Variants in OPN3 observed in about 807,000 individuals in gnomAD.
OPN3 encodes the protein opsin-3.
OPN3 carries 29 observed loss-of-function variants against 33.8 expected under a neutral mutation model. That is an observed-to-expected ratio of 0.86 (90% CI 0.64 to 1.17). The LOEUF (loss-of-function observed/expected upper bound fraction) is 1.17, where lower values mean the gene tolerates loss of function less well. Ranked by LOEUF, OPN3 falls within the 50% of genes most tolerant of loss-of-function variation. OPN3 has a pLI of 0.00. For synonymous variants in OPN3, 216 were observed against 216.1 expected, an observed-to-expected ratio of 1.00 and a Z score of 0.00; for missense variants, 437 against 514.1, an observed-to-expected ratio of 0.85 and a Z score of 1.45.
intron 1 of OPN3, among the ~76,000 whole-genome samples, chr1:241,616,160 T>G (rs1664120461): frequency 6.6e-6 from 1 of 152,172 alleles, no homozygotes; most frequent in Non-Finnish European, 1.5e-5. Flanking sequence ...GGCCTCCTCC[T>G]TTCCCTGCCT....
intron 1 of OPN3, among the ~76,000 whole-genome samples, chr1:241,625,310 C>T (rs975354830): frequency 6.6e-6 from 1 of 152,138 alleles, no homozygotes; most frequent in African/African-American, 2.4e-5. Flanking sequence ...ATAGGCTTCT[C>T]CGAAGCCATA....
At chr1:241,635,719 T>A in intron 1 of OPN3, 1 of 1,613,980 alleles carries the variant, frequency 6.2e-7, no homozygotes, top group Non-Finnish European at 8.5e-7. Context: ...CGGGCAAACC[T>A]GTCCCTATTA....
intron 1 of OPN3, among the ~76,000 whole-genome samples, chr1:241,637,718 C>T (rs1294940128): frequency 6.6e-6 from 1 of 152,072 alleles, no homozygotes; most frequent in African/African-American, 2.4e-5. Flanking sequence ...AGCTGAATTA[C>T]CCAATAATAG....
chr1:241,593,774 G>A lies in OPN3; in HGVS notation c.*654C>T, dbSNP rs1312360031. 6.4e-6 allele frequency: 1 copy of A among 155,154 alleles called. No individual in the cohort carries two copies. Among genetic ancestry groups the A allele is most frequent in the African/African-American group, 2.4e-5 (1 of 41,576 alleles). 9.6% of individuals were successfully genotyped at this position (155,154 alleles called of 1,614,324 possible). A position where few individuals can be genotyped will look rare whatever the true frequency, so the allele number is the denominator to read the frequency against. On this transcript the variant is annotated 3_prime_UTR_variant, in exon 4 of 4. Coordinates refer to ENST00000366554, the MANE Select transcript of OPN3 (RefSeq NM_014322.3). ...AGAAACAACAAAACAAAGAAAAAGA[G>A]CTTTGAGTCTGTAGGGGCAGCAATT...
chr1:241,619,894 G>A (rs150626899), intron 1 of OPN3, among the ~76,000 whole-genome samples: 237 of 152,330 alleles, frequency 1.6e-3, no homozygotes, highest in African/African-American at 2.0e-3. Context: ...TTGCTCTAAC[G>A]TATAGGGCCC....
intron 1 of OPN3, among the ~76,000 whole-genome samples, chr1:241,605,004 T>G (rs2148001415): frequency 6.7e-6 from 1 of 149,250 alleles, no homozygotes; most frequent in Middle Eastern, 3.4e-3. Context: ...TGCAGTGAGC[T>G]GAGATTGCGC....
chr1:241,639,786 TGCGGGGCGGGCTGGGGG>T (rs1665044128), intron 1 of OPN3, 79 bp downstream of exon 1: 1 of 1,068,494 alleles, frequency 9.4e-7, no homozygotes, highest in African/African-American at 3.9e-5. Context: ...CGGGAAGCGG[TGCGGGGCGGGCTGGGGG>T]GCGGACGCAC....
At chr1:241,615,810 G>C in intron 1 of OPN3, 1 of 456,080 alleles carries the variant, frequency 2.2e-6, no homozygotes, top group Non-Finnish European at 4.4e-6. Flanking sequence ...TATGACTATA[G>C]TTACAAAGCT....
intron 1 of OPN3, chr1:241,631,051 G>A (rs1173763959): frequency 3.3e-5 from 5 of 151,854 alleles, no homozygotes; most frequent in Non-Finnish European, 7.4e-5. Flanking sequence ...CATGATACAT[G>A]GATAGACATT....
chr1:241,630,522 T>A (rs1379933337), intron 1 of OPN3: 1 of 152,102 alleles, frequency 6.6e-6, no homozygotes, highest in Admixed American at 6.6e-5. Context: ...TTTTATACTA[T>A]AAGTTTTAGC....
At chr1:241,597,285 A>T (rs1024792920) in intron 3 of OPN3, among the ~76,000 whole-genome samples, 1 of 152,214 alleles carries the variant, frequency 6.6e-6, no homozygotes, top group Non-Finnish European at 1.5e-5. Context: ...AAATCCTGGC[A>T]CCAATACTTC....
intron 1 of OPN3, chr1:241,633,553 T>A (rs1664733733): frequency 2.0e-6 from 1 of 501,302 alleles, no homozygotes; most frequent in Admixed American, 3.8e-5. Context: ...TAAAGCTAAC[T>A]CTGTTTTAAG....
intron 2 of OPN3, among the ~76,000 whole-genome samples, chr1:241,603,867 G>T (rs1371039232): frequency 6.6e-6 from 1 of 152,138 alleles, no homozygotes; most frequent in African/African-American, 2.4e-5. Flanking sequence ...TGGTGTGATC[G>T]CCAAACAAAA....
chr1:241,634,403 G>C, intron 1 of OPN3: 1 of 1,613,776 alleles, frequency 6.2e-7, no homozygotes, highest in Non-Finnish European at 8.5e-7. Context: ...TACTGCCCTA[G>C]AGATCTGCTT....
In OPN3 at chr1:241,593,726, G is replaced by A. The variant is rs1663401928; in HGVS notation, c.*702C>T. On this transcript the variant is annotated 3_prime_UTR_variant, in exon 4 of 4. Transcript: ENST00000366554. ...AGAACTCCCTGGCTTATATAGCATCGACAAAGAACAGTAAATTTTTAGAGA... is the reference window on the plus strand; with the variant it reads ...AGAACTCCCTGGCTTATATAGCATCAACAAAGAACAGTAAATTTTTAGAGA... The A allele has an allele frequency of 1.3e-5, 2 of 155,236 alleles. No homozygotes were observed. The highest frequency in any genetic ancestry group is 1.9e-4 in the South Asian group (1 of 5,190). 9.6% of individuals were successfully genotyped at this position (155,236 alleles called of 1,614,324 possible).
At chr1:241,636,968 AT>A (rs1353087050) in intron 1 of OPN3, among the ~76,000 whole-genome samples, 4 of 150,282 alleles carry the variant, frequency 2.7e-5, no homozygotes, top group Middle Eastern at 3.4e-3. Flanking sequence ...AAAAAAAAAA[AT>A]AATAAGGTTC....
intron 1 of OPN3, among the ~76,000 whole-genome samples, chr1:241,612,831 T>C (rs669996): frequency 0.71 from 107,339 of 151,966 alleles, 37,917 homozygotes; most frequent in Admixed American, 0.72. Context: ...GATTTCATCC[T>C]CCGTAACCCA....
chr1:241,634,611 G>C (rs1398403545), intron 1 of OPN3: 20 of 1,613,860 alleles, frequency 1.2e-5, no homozygotes, highest in Non-Finnish European at 1.7e-5. Flanking sequence ...AAACCCTGGG[G>C]AATTTCTCCT....
chr1:241,628,676 A>C (rs1664496079), intron 1 of OPN3, among the ~76,000 whole-genome samples: 1 of 152,216 alleles, frequency 6.6e-6, no homozygotes, highest in African/African-American at 2.4e-5. Flanking sequence ...TCAACTAAGA[A>C]AAAATAAATT....
Sources: allele counts gnomAD v4.1 joint callset (sites outside exome capture counted in the v4.1 genomes callset), GRCh38; gene constraint gnomAD v4.1.1; transcripts MANE v1.5; gene names NCBI Gene and HGNC (gene_info 2026-07-23, HGNC 2026-07-21).